Variants in KLB observed in about 807,000 individuals in gnomAD.
KLB encodes the protein beta-klotho.
In KLB, 44 loss-of-function variants were observed where a neutral mutation model predicts 88.4. That is an observed-to-expected ratio of 0.50 (90% CI 0.39 to 0.64). The LOEUF (loss-of-function observed/expected upper bound fraction) is 0.64. KLB is among the 30% of genes least tolerant of loss of function. The pLI, the probability that KLB is intolerant of heterozygous loss-of-function variation, is 0.00. For missense variants in KLB, 1,137 were observed against 1,304.8 expected (o/e 0.87, Z 1.98); for synonymous variants, 548 against 513.4 (o/e 1.07, Z -0.91).
chr4:39,423,978 A>G (rs1040601357), intron 1 of KLB, among the ~76,000 whole-genome samples: 5 of 151,900 alleles, frequency 3.3e-5, no homozygotes, highest in African/African-American at 1.2e-4. Flanking sequence ...CAGCCTGGGC[A>G]ACATAGTGAG....
intron 4 of KLB, among the ~76,000 whole-genome samples, chr4:39,447,895 G>A (rs767573733): frequency 4.0e-5 from 6 of 149,272 alleles, no homozygotes; most frequent in Admixed American, 1.3e-4. Flanking sequence ...TTAAGCGAGC[G>A]ACAGTGAGTG....
At chr4:39,417,922 T>G (rs1040315931) in intron 1 of KLB, among the ~76,000 whole-genome samples, 16 of 152,182 alleles carry the variant, frequency 1.1e-4, no homozygotes, top group African/African-American at 3.9e-4. Flanking sequence ...GTCTGATCTG[T>G]GTCAATCCAA....
At chr4:39,414,746 G>A (rs976023648) in intron 1 of KLB, among the ~76,000 whole-genome samples, 2 of 151,078 alleles carry the variant, frequency 1.3e-5, no homozygotes, top group Admixed American at 1.3e-4. Flanking sequence ...GTGGGTGCCT[G>A]TAATCCCAGC....
At chr4:39,424,216 G>A (rs1743147796) in intron 1 of KLB, among the ~76,000 whole-genome samples, 1 of 151,544 alleles carries the variant, frequency 6.6e-6, no homozygotes, top group Non-Finnish European at 1.5e-5. Context: ...GATTACAGGT[G>A]CACACCACCA....
In KLB at chr4:39,448,776, G is replaced by C. The variant is rs1409193865; in HGVS notation, c.*90G>C. The C allele has an allele frequency of 3.3e-6, 4 of 1,230,532 alleles. No individual in the cohort carries two copies. In the African/African-American group the frequency reaches 6.0e-5, roughly 19 times the overall value. The allele number at this position is 1,230,532 out of a possible 1,614,324, so 76.2% of individuals were successfully genotyped here. On this transcript the variant is annotated 3_prime_UTR_variant, in exon 5 of 5. Transcript: ENST00000257408. ...AGGAGATATACCTGTATTATAGAAA[G>C]ACAATCTGAGATACAGCTGTAACCA...
At chr4:39,416,902 G>T (rs76727582) in intron 1 of KLB, among the ~76,000 whole-genome samples, 2,341 of 152,230 alleles carry the variant, frequency 0.015, 59 homozygotes, top group African/African-American at 0.054. Flanking sequence ...GAAGAAGGCT[G>T]CAGTGTTTCT....
chr4:39,434,179 A>C, intron 1 of KLB, 31 bp from the exon 2 acceptor site: 1 of 1,569,552 alleles, frequency 6.4e-7, no homozygotes, highest in Non-Finnish European at 8.6e-7. Flanking sequence ...AAGTGAGGAC[A>C]ACAAAGATCA....
chr4:39,426,127 C>T (rs1463150796), intron 1 of KLB, among the ~76,000 whole-genome samples: 5 of 151,574 alleles, frequency 3.3e-5, no homozygotes, highest in Admixed American at 6.6e-5. Flanking sequence ...TGTCGGGCAC[C>T]TGTAGTCCCA....
At chr4:39,409,070 T>G (rs1742786113) in intron 1 of KLB, among the ~76,000 whole-genome samples, 1 of 151,886 alleles carries the variant, frequency 6.6e-6, no homozygotes, top group Non-Finnish European at 1.5e-5. Context: ...TGTACTATGG[T>G]TTCAGATACA....
chr4:39,437,794 G>A lies in KLB; in HGVS notation c.1404G>A (p.Trp468Ter), dbSNP rs1415053047. 6.2e-7 allele frequency: 1 copy of A among 1,614,114 alleles called. No individual in the cohort carries two copies. The highest frequency in any genetic ancestry group is 8.5e-7 in the Non-Finnish European group (1 of 1,180,000). ...GGTCTCTCCTGGATGGCTTTGAATG[G>A]CAGGATGCTTACACCATCCGCCGAG... ...TAWSLLDGFE[W>*]QDAYTIRRGL... Residue 468 changes from tryptophan to a stop codon, truncating the protein, a stop_gained, in exon 3 of 5, where the codon TGG becomes TGA. Coordinates refer to ENST00000257408, the MANE Select transcript of KLB (RefSeq NM_175737.4). LOFTEE classifies it high-confidence loss of function.
At chr4:39,445,422 G>T (rs1232121095) in intron 3 of KLB, among the ~76,000 whole-genome samples, 1 of 151,830 alleles carries the variant, frequency 6.6e-6, no homozygotes, top group East Asian at 1.9e-4. Context: ...TCTGTTGGAT[G>T]AATAAATGCT....
At chr4:39,416,984 G>A (rs1742978063) in intron 1 of KLB, among the ~76,000 whole-genome samples, 1 of 152,054 alleles carries the variant, frequency 6.6e-6, no homozygotes, top group South Asian at 2.1e-4. Context: ...ATGTCTTGAA[G>A]ATTAAGTGTA....
chr4:39,431,149 C>T (rs1456482289), intron 1 of KLB, among the ~76,000 whole-genome samples: 11 of 146,064 alleles, frequency 7.5e-5, no homozygotes, highest in African/African-American at 2.8e-4. Context: ...AGGCTGATCT[C>T]GAATTCCTGA....
At chr4:39,433,662 C>G (rs1311676881) in intron 1 of KLB, among the ~76,000 whole-genome samples, 1 of 152,064 alleles carries the variant, frequency 6.6e-6, no homozygotes, top group Non-Finnish European at 1.5e-5. Flanking sequence ...GAGTTCCAGA[C>G]CAGCCTGACC....
intron 1 of KLB, among the ~76,000 whole-genome samples, chr4:39,431,091 A>ATTTTTTT (rs35397824): frequency 8.7e-6 from 1 of 114,688 alleles, no homozygotes; most frequent in African/African-American, 3.1e-5. Flanking sequence ...TAATTTTTGT[A>ATTTTTTT]TTTTTTTTTT....
Position 39,446,917 on chromosome 4 carries a change from A to C in KLB, c.2191A>C (p.Arg731=), listed in dbSNP as rs1743761159. ...CTGGCGCCTCTACGACCGGCAGTTC[A>C]GGCCCTCACAGCGCGGGGCCGTGTC... ...LAWRLYDRQF[R]PSQRGAVSLS... The change falls in exon 4 of 5, where the codon AGG becomes CGG. Residue 731 remains arginine (R), a synonymous_variant. Transcript: ENST00000257408. This position sits in a 1 kb window ranked among gnomAD's most constrained non-coding sequence, Gnocchi z 6.4. 6.2e-7 allele frequency: 1 copy of C among 1,605,252 alleles called. No individual in the cohort carries two copies. Among genetic ancestry groups the C allele is most frequent in the Non-Finnish European group, 8.5e-7 (1 of 1,178,944 alleles).
chr4:39,432,494 G>A (rs1743385699), intron 1 of KLB, among the ~76,000 whole-genome samples: 1 of 152,286 alleles, frequency 6.6e-6, no homozygotes, highest in African/African-American at 2.4e-5. Flanking sequence ...GGCTGTGACT[G>A]TTAACTCAGC....
In KLB at chr4:39,407,002, G is replaced by A; in HGVS notation, c.53G>A (p.Ser18Asn). 1.2e-6 allele frequency: 2 copies of A among 1,614,082 alleles called. No homozygotes were observed. Among genetic ancestry groups the A allele is most frequent in the Non-Finnish European group, 1.7e-6 (2 of 1,179,992 alleles). The change falls in exon 1 of 5, where the codon AGC becomes AAC. Residue 18 changes from serine (S) to asparagine (N), a missense_variant. Physicochemically the swap from Ser to Asn is conservative, Grantham distance 46. Transcript: ENST00000257408. ...GSPGNEWIFF[S>N]TDEITTRYRN... ...CCAGGGAATGAATGGATTTTCTTCA[G>A]CACTGATGAAATAACCACACGCTAT...
intron 3 of KLB, among the ~76,000 whole-genome samples, chr4:39,438,227 C>T (rs372679173): frequency 6.6e-6 from 1 of 152,318 alleles, no homozygotes; most frequent in East Asian, 1.9e-4. Context: ...GGTGAAGAGG[C>T]TGCCCTCAAG....
Sources: gnomAD v4.1 joint callset for allele counts (sites outside exome capture counted in the v4.1 genomes callset) on GRCh38, gnomAD v4.1.1 for gene constraint, Gnocchi (gnomAD v3.1) non-coding constraint, MANE v1.5 for transcripts, NCBI Gene and HGNC (gene_info 2026-07-23, HGNC 2026-07-21) for gene names.